The following SAXO1 variants were observed in gnomAD, a reference collection of about 807,000 sequenced individuals.
The protein encoded by SAXO1 is stabilizer of axonemal microtubules 1.
SAXO1 carries 21 observed loss-of-function variants against 17.5 expected under a neutral mutation model. That is an observed-to-expected ratio of 1.20 (90% CI 0.85 to 1.72). SAXO1 has a LOEUF of 1.72. Ranked by LOEUF, SAXO1 falls within the 40% of genes most tolerant of loss-of-function variation. The probability of loss-of-function intolerance (pLI) is 0.00; values close to 1 mark genes in which losing one functional copy is unlikely to be tolerated. For missense variants in SAXO1, 843 were observed against 596.0 expected (o/e 1.41, Z -4.32); for synonymous variants, 274 against 216.5 (o/e 1.27, Z -2.33).
chr9:18,931,353 A>C (rs1458033806), intron 3 of SAXO1, among the ~76,000 whole-genome samples: 1 of 152,074 alleles, frequency 6.6e-6, no homozygotes, highest in African/African-American at 2.4e-5. Flanking sequence ...TCAGTAGTTC[A>C]CCTTTTTATT....
At chr9:18,947,033 T>C (rs10963859) in intron 2 of SAXO1, among the ~76,000 whole-genome samples, 12,792 of 152,180 alleles carry the variant, frequency 0.084, 942 homozygotes, top group African/African-American at 0.2. Context: ...GAAGAAATAA[T>C]GGCCAAAATG....
intron 1 of SAXO1, among the ~76,000 whole-genome samples, chr9:18,974,477 T>TA: frequency 6.6e-6 from 1 of 152,110 alleles, no homozygotes; most frequent in Non-Finnish European, 1.5e-5. Context: ...GGAGAGCTGT[T>TA]AGAGAAAAAG....
intron 1 of SAXO1, among the ~76,000 whole-genome samples, chr9:19,047,679 T>C (rs1265408869): frequency 6.6e-6 from 1 of 152,146 alleles, no homozygotes; most frequent in African/African-American, 2.4e-5. Flanking sequence ...TAAAAGACGA[T>C]GGAGCAACAG....
At chr9:19,034,616 C>G (rs1289766405), upstream of SAXO1, among the ~76,000 whole-genome samples, 1 of 152,170 alleles carries the variant, frequency 6.6e-6, no homozygotes, top group Admixed American at 6.5e-5. Flanking sequence ...AAGGTAGATT[C>G]AGACAGGAGC....
chr9:18,977,766 A>G (rs1833207686), intron 1 of SAXO1, among the ~76,000 whole-genome samples: 1 of 152,000 alleles, frequency 6.6e-6, no homozygotes, highest in African/African-American at 2.4e-5. Flanking sequence ...ATGCCAAGGC[A>G]GTGGATCACT....
chr9:19,010,654 G>T (rs901979811), intron 1 of SAXO1, among the ~76,000 whole-genome samples: 3 of 152,076 alleles, frequency 2.0e-5, no homozygotes, highest in African/African-American at 7.3e-5. Flanking sequence ...TTGGCTAGCT[G>T]ACTCTCCAGA....
chr9:18,941,846 G>A lies in SAXO1; in HGVS notation c.219-7C>T. On this transcript the variant is annotated splice_region_variant and splice_polypyrimidine_tract_variant and intron_variant, in intron 2 of 3. Coordinates refer to ENST00000380534, the MANE Select transcript of SAXO1 (RefSeq NM_153707.4). ...GTGAGGCCCAAAATCTCTCCTGTAA[G>A]GAAGCAAGTGCATGCTGTTGGGGTC... 1 of 1,614,090 alleles carries A rather than the reference G, an allele frequency of 6.2e-7. No homozygotes were observed. Among genetic ancestry groups the A allele is most frequent in the African/African-American group, 1.3e-5 (1 of 75,040 alleles).
At chr9:19,006,054 AAATCAC>A (rs1320187059) in intron 1 of SAXO1, among the ~76,000 whole-genome samples, 2 of 152,256 alleles carry the variant, frequency 1.3e-5, no homozygotes, top group Non-Finnish European at 2.9e-5. Context: ...GGATAAATGC[AAATCAC>A]AATCACAATC....
At chr9:19,034,272 G>GT (rs1260875866), upstream of SAXO1, among the ~76,000 whole-genome samples, 1 of 145,674 alleles carries the variant, frequency 6.9e-6, no homozygotes, top group Non-Finnish European at 1.5e-5. Context: ...TTCTTTTTGT[G>GT]TGGGGGGGGT....
chr9:18,994,670 G>A (rs895199060), intron 1 of SAXO1, among the ~76,000 whole-genome samples: 16 of 152,322 alleles, frequency 1.1e-4, no homozygotes, highest in Middle Eastern at 3.4e-3. Context: ...CACTCTGCTC[G>A]GGTAAGCAGT....
At chr9:18,949,597 G>A (rs1488782160) in intron 2 of SAXO1, among the ~76,000 whole-genome samples, 1 of 152,192 alleles carries the variant, frequency 6.6e-6, no homozygotes, top group Non-Finnish European at 1.5e-5. Context: ...CATTGTGGGT[G>A]CTCCTGCCCC....
chr9:18,947,485 C>G (rs538801059), intron 2 of SAXO1, among the ~76,000 whole-genome samples: 1 of 152,184 alleles, frequency 6.6e-6, no homozygotes. Context: ...TGCCTCCATT[C>G]CACTCTACCC....
intron 3 of SAXO1, among the ~76,000 whole-genome samples, chr9:18,933,210 T>C (rs1831131002): frequency 6.6e-6 from 1 of 152,238 alleles, no homozygotes; most frequent in South Asian, 2.1e-4. Flanking sequence ...AGTTTCCTTC[T>C]AGTCCTAAGC....
At chr9:18,999,806 G>A (rs113564257) in intron 1 of SAXO1, among the ~76,000 whole-genome samples, 26 of 109,918 alleles carry the variant, frequency 2.4e-4, no homozygotes, top group South Asian at 6.4e-4. Flanking sequence ...ACCTCTGCCC[G>A]GCTGTCCCAC....
In SAXO1 at chr9:18,928,577, C is replaced by T. The variant is rs1830887377; in HGVS notation, c.900G>A (p.Arg300=). 28 of 1,614,098 alleles carry T rather than the reference C, an allele frequency of 1.7e-5. No homozygotes were observed. The East Asian group carries it at 6.2e-4, about 36-fold the overall frequency. The change falls in exon 4 of 4, where the codon AGG becomes AGA. Residue 300 remains arginine, a synonymous_variant. Transcript: ENST00000380534. ...CCTGCACTGTTGTCAGAAGATCCATCCTGTCTTCGGGAGGGACGTAGGTGA... is the reference window on the plus strand; with the variant it reads ...CCTGCACTGTTGTCAGAAGATCCATTCTGTCTTCGGGAGGGACGTAGGTGA... ...APITYVPPED[R]MDLLTTVQAH...
chr9:19,015,088 G>A (rs1168521532), intron 1 of SAXO1, among the ~76,000 whole-genome samples: 1 of 152,130 alleles, frequency 6.6e-6, no homozygotes, highest in Admixed American at 6.5e-5. Flanking sequence ...TGTCAAAGCT[G>A]CTTCCACACA....
chr9:18,946,957 C>T (rs2131718574), intron 2 of SAXO1, among the ~76,000 whole-genome samples: 2 of 152,252 alleles, frequency 1.3e-5, no homozygotes, highest in Middle Eastern at 3.4e-3. Context: ...ATCTGAAGAA[C>T]AGAGGACGGG....
At chr9:18,937,272 G>T (rs772665870) in intron 3 of SAXO1, among the ~76,000 whole-genome samples, 3 of 152,200 alleles carry the variant, frequency 2.0e-5, no homozygotes, top group African/African-American at 4.8e-5. Flanking sequence ...TCCTGGCCAG[G>T]ACCCACAGGG....
chr9:19,045,264 T>C (rs1036154769), intron 1 of SAXO1, among the ~76,000 whole-genome samples: 3 of 133,484 alleles, frequency 2.2e-5, no homozygotes, highest in African/African-American at 2.8e-5. Flanking sequence ...GAGCCGAGAT[T>C]GCGCCACTGC....
Sources: allele counts gnomAD v4.1 joint callset (sites outside exome capture counted in the v4.1 genomes callset), GRCh38; gene constraint gnomAD v4.1.1; transcripts MANE v1.5; gene names NCBI Gene and HGNC (gene_info 2026-07-23, HGNC 2026-07-21).